BRCA2: variants seen among roughly 807,000 people sequenced by gnomAD.
BRCA2 encodes BRCA2 DNA repair associated, also known as breast cancer type 2 susceptibility protein.
In BRCA2, 203 loss-of-function variants were observed where a neutral mutation model predicts 276.7. The ratio of observed to expected loss-of-function variants is 0.73; its 90% CI spans 0.65 to 0.82. BRCA2 has a LOEUF of 0.82. Ranked by LOEUF, BRCA2 falls within the 40% of genes least tolerant of loss-of-function variation. The probability of loss-of-function intolerance (pLI) is 0.00; values close to 1 mark genes in which losing one functional copy is unlikely to be tolerated. For synonymous variants in BRCA2, 1,289 were observed against 1,338.4 expected, an observed-to-expected ratio of 0.96 and a Z score of 0.81; for missense variants, 3,920 against 3,915.0, an observed-to-expected ratio of 1.00 and a Z score of -0.03.
rs587782014 is a variant in BRCA2 at position 32,336,948 on chromosome 13, G to C, written c.2593G>C (p.Glu865Gln). 6.9e-6 allele frequency: 11 copies of C among 1,586,640 alleles called. No homozygotes were observed. In the South Asian group the frequency reaches 1.1e-4, roughly 15 times the overall value. ...TCTAAGAGTAATCCAAAAAAATCAA[G>C]AAGAAACTACTTCAATTTCAAAAAT... ...TNLRVIQKNQEETTSISKITV... is the reference protein window; with the variant it reads ...TNLRVIQKNQQETTSISKITV... Residue 865 changes from glutamate to glutamine, a missense_variant, in exon 11 of 27, where the codon GAA (glutamate) becomes CAA (glutamine). Glu to Gln is a conservative substitution (Grantham distance 29, BLOSUM62 2). Coordinates refer to ENST00000380152, the MANE Select transcript of BRCA2 (RefSeq NM_000059.4).
intron 24 of BRCA2, chr13:32,385,070 A>G (rs2072949210): frequency 3.4e-6 from 1 of 289,996 alleles, no homozygotes; most frequent in Admixed American, 4.2e-5. Flanking sequence ...CACAGAATGG[A>G]ATGTCCAGAG....
rs2137527198 is a variant in BRCA2, at chr13:32,340,760, C to G, written c.6405C>G (p.Asn2135Lys). 6.2e-7 allele frequency: 1 copy of G among 1,602,254 alleles called. No individual in the cohort carries two copies. Reference protein sequence around the residue: ...TCSKEFKLSNNLNVEGGSSEN... With the variant: ...TCSKEFKLSNKLNVEGGSSEN... The stretch of plus-strand genomic sequence containing the variant: ...GTAAAGAATTTAAATTATCAAATAA[C>G]TTAAATGTTGAAGGTGGTTCTTCAG... The change falls in exon 11 of 27, where the codon AAC becomes AAG. Residue 2135 changes from asparagine to lysine, a missense_variant. This residue lies in a region of BRCA2 where 3,263 missense variants were observed against 3,156.9 expected (regional missense o/e 1.03). Coordinates refer to ENST00000380152, the MANE Select transcript of BRCA2 (RefSeq NM_000059.4).
At chr13:32,368,413 C>CT (rs1038802988) in intron 18 of BRCA2, among the ~76,000 whole-genome samples, 3 of 151,590 alleles carry the variant, frequency 2.0e-5, no homozygotes, top group South Asian at 2.1e-4. Flanking sequence ...AAATGTTTTT[C>CT]TTTTTTTTGT....
In BRCA2 at chr13:32,338,514, T is replaced by A. The variant is rs431825317; in HGVS notation, c.4159T>A (p.Leu1387Ile). Residue 1387 changes from leucine to isoleucine, a missense_variant, in exon 11 of 27, where the codon TTA becomes ATA. Coordinates refer to ENST00000380152, the MANE Select transcript of BRCA2 (RefSeq NM_000059.4). ...NTQIKEDLSD[L>I]TFLEVAKAQE... ...TCAGATTAAAGAAGATTTGTCAGAT[T>A]TAACTTTTTTGGAAGTTGCGAAAGC... The A allele has an allele frequency of 2.5e-6, 4 of 1,604,012 alleles. No individual in the cohort carries two copies. The highest frequency in any genetic ancestry group is 3.4e-6 in the Non-Finnish European group (4 of 1,177,384).
rs1555284265 is a variant in BRCA2 at position 32,339,906 on chromosome 13, A to G, written c.5551A>G (p.Ile1851Val). The change falls in exon 11 of 27, where the codon ATC (isoleucine) becomes GTC (valine). Residue 1851 changes from isoleucine (I) to valine (V), a missense_variant. Coordinates refer to ENST00000380152, the MANE Select transcript of BRCA2 (RefSeq NM_000059.4). ...PPAFRIASGK[I>V]VCVSHETIKK... The stretch of plus-strand genomic sequence containing the variant: ...TGCATTTAGGATAGCCAGTGGTAAA[A>G]TCGTTTGTGTTTCACATGAAACAAT... 6.2e-7 allele frequency: 1 copy of G among 1,609,198 alleles called. No individual in the cohort carries two copies. The highest frequency in any genetic ancestry group is 1.1e-5 in the South Asian group (1 of 90,370).
Position 32,398,911 on chromosome 13 carries a change from G to A in BRCA2, c.*141G>A, listed in dbSNP as rs1026510722. ...GTTTCAAATTTACCTCAGCGTTTGTGTATCGGGCAAAAATCGTTTTGCCCG... is the reference window on the plus strand; with the variant it reads ...GTTTCAAATTTACCTCAGCGTTTGTATATCGGGCAAAAATCGTTTTGCCCG... On this transcript the variant is annotated 3_prime_UTR_variant, in exon 27 of 27. Transcript: ENST00000380152. 9 of 1,147,036 alleles carry A rather than the reference G, an allele frequency of 7.8e-6. No homozygotes were observed. The Admixed American group carries it at 8.9e-5, about 11-fold the overall frequency. The allele number at this position is 1,147,036 out of a possible 1,614,324, so 71.1% of individuals were successfully genotyped here.
At chr13:32,387,565 C>T (rs1365892451) in intron 24 of BRCA2, among the ~76,000 whole-genome samples, 1 of 152,192 alleles carries the variant, frequency 6.6e-6, no homozygotes, top group Non-Finnish European at 1.5e-5. Flanking sequence ...TCTGCTCCAC[C>T]AGCTTCTTGT....
Position 32,340,499 on chromosome 13 carries a change from T to C in BRCA2, c.6144T>C (p.Asn2048=), listed in dbSNP as rs587782775. The change falls in exon 11 of 27, where the codon AAT becomes AAC. Residue 2048 remains asparagine (N), a synonymous_variant. Coordinates refer to ENST00000380152, the MANE Select transcript of BRCA2 (RefSeq NM_000059.4). ...HLISQKGFSY[N]VVNSSAFSGF... The stretch of plus-strand genomic sequence containing the variant: ...TATCCCAAAAAGGCTTTTCATATAA[T>C]GTGGTAAATTCATCTGCTTTCTCTG... 1 of 1,613,570 alleles carries C rather than the reference T, an allele frequency of 6.2e-7. No homozygotes were observed. Among genetic ancestry groups the C allele is most frequent in the Non-Finnish European group, 8.5e-7 (1 of 1,179,816 alleles).
rs34184533 is a variant in BRCA2 at position 32,388,121 on chromosome 13, C to CT, written c.9257-6553dup. ...CTGGACCCTACACATATGACCTCAT[C>CT]TTTTTTTTTTTTTTTGAGTTAGGGT... On this transcript the variant is annotated intron_variant, in intron 24 of 26. Transcript: ENST00000380152. 0.74 allele frequency among the ~76,000 whole-genome samples: 105,151 copies of CT among 141,390 alleles called. 39,224 individuals carry two copies. The highest frequency in any genetic ancestry group is 0.8 in the Admixed American group (11,264 of 14,168). The allele number at this position is 141,390 out of a possible 152,430, so 92.8% of individuals were successfully genotyped here.
At chr13:32,335,045 A>C (rs1192144123) in intron 10 of BRCA2, among the ~76,000 whole-genome samples, 1 of 152,216 alleles carries the variant, frequency 6.6e-6, no homozygotes, top group Non-Finnish European at 1.5e-5. Context: ...GTTAAAGCCA[A>C]TGAAAAAGCT....
In BRCA2 at chr13:32,360,755, A is replaced by G. The variant is rs143310995; in HGVS notation, c.7806-1768A>G. On this transcript the variant is annotated intron_variant, in intron 16 of 26. Coordinates refer to ENST00000380152, the MANE Select transcript of BRCA2 (RefSeq NM_000059.4). ...ACCACTTAAGCTATTGCAGAAATACATGTGAGAGGTGGTTGGTTGGACCAG... is the reference window on the plus strand; with the variant it reads ...ACCACTTAAGCTATTGCAGAAATACGTGTGAGAGGTGGTTGGTTGGACCAG... 1.1e-4 allele frequency among the ~76,000 whole-genome samples: 16 copies of G among 152,308 alleles called. No homozygotes were observed. The East Asian group carries it at 2.7e-3, about 26-fold the overall frequency.
chr13:32,355,616 C>T (rs1245400747), intron 14 of BRCA2, among the ~76,000 whole-genome samples: 1 of 152,080 alleles, frequency 6.6e-6, no homozygotes, highest in Non-Finnish European at 1.5e-5. Flanking sequence ...AATCCCAGAA[C>T]TTTGGGAGAC....
intron 7 of BRCA2, among the ~76,000 whole-genome samples, chr13:32,327,560 C>G (rs189979): frequency 6.6e-6 from 1 of 151,694 alleles, no homozygotes; most frequent in South Asian, 2.1e-4. Flanking sequence ...GTCCCAGCTA[C>G]TCAGGAGGCT....
intron 13 of BRCA2, among the ~76,000 whole-genome samples, chr13:32,349,993 T>A (rs1463881574): frequency 6.6e-6 from 1 of 152,128 alleles, no homozygotes; most frequent in Non-Finnish European, 1.5e-5. Context: ...AGTTAATATA[T>A]GCATATTGAA....
chr13:32,383,861 G>A (rs932063579), intron 24 of BRCA2, among the ~76,000 whole-genome samples: 1 of 152,060 alleles, frequency 6.6e-6, no homozygotes, highest in Non-Finnish European at 1.5e-5. Flanking sequence ...TGGAGTTATT[G>A]GAAATAAAAG....
At chr13:32,373,676 C>T (rs1162832168) in intron 20 of BRCA2, among the ~76,000 whole-genome samples, 2 of 152,162 alleles carry the variant, frequency 1.3e-5, no homozygotes, top group African/African-American at 2.4e-5. Context: ...TGCCCTTTGG[C>T]TCTTCAGTCT....
At chr13:32,327,795 GTTC>G (rs2072360998) in intron 7 of BRCA2, among the ~76,000 whole-genome samples, 1 of 150,322 alleles carries the variant, frequency 6.7e-6, no homozygotes, top group East Asian at 2.0e-4. Context: ...TTGAGACAAG[GTTC>G]TTCTCTGTTG....
At chr13:32,325,045 A>G (rs1415860458) in intron 3 of BRCA2, 31 bp from the exon 4 acceptor site, 2 of 1,409,082 alleles carry the variant, frequency 1.4e-6, no homozygotes, top group East Asian at 2.3e-5. Flanking sequence ...CAGAGTATAT[A>G]CATTCTCACT....
chr13:32,341,158 G>A lies in BRCA2; in HGVS notation c.6803G>A (p.Arg2268Lys), dbSNP rs80358906. The A allele has an allele frequency of 3.1e-5, 50 of 1,613,748 alleles. No individual in the cohort carries two copies. The African/African-American group carries it at 6.1e-4, about 20-fold the overall frequency. The stretch of plus-strand genomic sequence containing the variant: ...GAGGAAATGGTTTTGTCAAATTCAA[G>A]AATTGGAAAAAGAAGAGGAGAGCCC... ...ENEEMVLSNS[R>K]IGKRRGEPLI... The change falls in exon 11 of 27, where the codon AGA becomes AAA. Residue 2268 changes from arginine (R) to lysine (K), a missense_variant. Physicochemically the swap from Arg to Lys is conservative, Grantham distance 26 (BLOSUM62 2). Transcript: ENST00000380152.
Sources: gnomAD v4.1 joint callset for allele counts (sites outside exome capture counted in the v4.1 genomes callset) on GRCh38, gnomAD v4.1.1 for gene constraint, gnomAD v4.1.1 regional missense constraint, MANE v1.5 for transcripts, NCBI Gene and HGNC (gene_info 2026-07-23, HGNC 2026-07-21) for gene names.